The following CSGALNACT2 variants were observed in gnomAD, a reference collection of about 807,000 sequenced individuals.
The protein encoded by CSGALNACT2 is beta 4 GalNAcT-2.
A neutral mutation model predicts 55.3 loss-of-function variants in CSGALNACT2; 35 were observed. The ratio of observed to expected loss-of-function variants is 0.63; its 90% CI spans 0.48 to 0.84. The LOEUF is 0.84. Ranked by LOEUF, CSGALNACT2 falls within the 40% of genes least tolerant of loss-of-function variation. The pLI is 0.00. For missense variants in CSGALNACT2, 544 were observed against 657.5 expected (o/e 0.83, Z 1.89); for synonymous variants, 196 against 224.9 (o/e 0.87, Z 1.15).
intron 7 of CSGALNACT2, among the ~76,000 whole-genome samples, chr10:43,177,844 G>A (rs1006171015): frequency 3.9e-5 from 6 of 152,198 alleles, no homozygotes; most frequent in Middle Eastern, 3.2e-3. Flanking sequence ...TTGCCACACC[G>A]TTTTCCAAAG....
At chr10:43,166,306 G>T (rs1839262823) in intron 5 of CSGALNACT2, among the ~76,000 whole-genome samples, 1 of 152,224 alleles carries the variant, frequency 6.6e-6, no homozygotes, top group Non-Finnish European at 1.5e-5. Flanking sequence ...TAAAAAGGTT[G>T]CCATGTTACT....
chr10:43,177,337 G>A (rs2503848), intron 7 of CSGALNACT2, among the ~76,000 whole-genome samples: 127,331 of 151,744 alleles, frequency 0.84, 54,073 homozygotes, highest in African/African-American at 0.95. Flanking sequence ...CGGTTAACCA[G>A]GTCATGTAGC....
In CSGALNACT2 at chr10:43,167,089, G is replaced by A; in HGVS notation, c.1245G>A (p.Glu415=). The A allele has an allele frequency of 2.5e-6, 4 of 1,602,966 alleles. No individual in the cohort carries two copies. The highest frequency in any genetic ancestry group is 3.4e-6 in the Non-Finnish European group (4 of 1,169,954). The change falls in exon 6 of 8, where the codon GAG becomes GAA. Residue 415 remains glutamate (E), a synonymous_variant. Coordinates refer to ENST00000374466, the MANE Select transcript of CSGALNACT2 (RefSeq NM_018590.5). The stretch of plus-strand genomic sequence containing the variant: ...ACCAGGAAGTGCCACCACCTGTGGA[G>A]CAGCAGCTGGTGAGACTTTCACATT... The part of the protein sequence containing the change: ...YANQEVPPPV[E]QQLVHKKDSG...
Position 43,160,971 on chromosome 10 carries a change from T to C in CSGALNACT2, c.980+376T>C, listed in dbSNP as rs531018693. The stretch of plus-strand genomic sequence containing the variant: ...CTCCTTCTTCTCCCCCTGCTAACAA[T>C]GTTGAGGTCTCCCATATCCTTAAGA... On this transcript the variant is annotated intron_variant, in intron 4 of 7. Transcript: ENST00000374466. Among the ~76,000 whole-genome samples, 3 of 152,286 alleles carry C rather than the reference T, an allele frequency of 2.0e-5. No homozygotes were observed. The South Asian group carries it at 6.2e-4, about 32-fold the overall frequency.
In CSGALNACT2 at chr10:43,147,137, G is replaced by A. The variant is rs375891439; in HGVS notation, c.-253-7760G>A. Among the ~76,000 whole-genome samples the A allele has an allele frequency of 1.3e-3, 201 of 150,238 alleles. 1 individual carries two copies. The highest frequency in any genetic ancestry group is 4.0e-3 in the African/African-American group (162 of 40,868). ...ACTACAGGCGCCCGCCACTACGCCC[G>A]GCTAATTTTTTGTATTTTTAGTAGA... is the stretch of plus-strand genomic sequence containing the variant. On this transcript the variant is annotated intron_variant, in intron 1 of 7. Coordinates refer to ENST00000374466, the MANE Select transcript of CSGALNACT2 (RefSeq NM_018590.5).
In CSGALNACT2 at chr10:43,147,078, C is replaced by G. The variant is rs371812955; in HGVS notation, c.-253-7819C>G. 5.1e-3 allele frequency among the ~76,000 whole-genome samples: 673 copies of G among 132,068 alleles called. 7 individuals carry two copies. Among genetic ancestry groups the G allele is most frequent in the African/African-American group, 0.018 (653 of 36,254 alleles). The allele number at this position is 132,068 out of a possible 152,430, so 86.6% of individuals were successfully genotyped here. ...GCAAGCTCCGCCTCCCGGGTTCACGCCATTCTCCTGCCTCAGCCTCCCAAG... is the reference window on the plus strand; with the variant it reads ...GCAAGCTCCGCCTCCCGGGTTCACGGCATTCTCCTGCCTCAGCCTCCCAAG... On this transcript the variant is annotated intron_variant, in intron 1 of 7. Transcript: ENST00000374466.
At position 43,172,950 on chromosome 10, in the gene CSGALNACT2, G is replaced by A. The variant is rs76560816; in HGVS notation, c.1255-3001G>A. ...GAAAGAACAGCTACTGGGTTTCCTA[G>A]GGTGTTTGGAGCACAGCCGGTGAGG... On this transcript the variant is annotated intron_variant, in intron 6 of 7. Coordinates refer to ENST00000374466, the MANE Select transcript of CSGALNACT2 (RefSeq NM_018590.5). 8.4e-3 allele frequency among the ~76,000 whole-genome samples: 1,280 copies of A among 152,282 alleles called. 53 individuals are homozygous for A. In the East Asian group the frequency reaches 0.097, roughly 11 times the overall value.
At chr10:43,159,032 A>ATT (rs1364214113) in intron 3 of CSGALNACT2, 101 bp downstream of exon 3, 11 of 683,326 alleles carry the variant, frequency 1.6e-5, no homozygotes, top group East Asian at 5.3e-5. Context: ...ATTACTTAGA[A>ATT]TAATTTTACA....
chr10:43,156,962 G>T lies in CSGALNACT2; in HGVS notation c.661+1152G>T, dbSNP rs371135691. On this transcript the variant is annotated intron_variant, in intron 2 of 7. Coordinates refer to ENST00000374466, the MANE Select transcript of CSGALNACT2 (RefSeq NM_018590.5). Reference sequence around the variant, plus strand: ...CTCCAAATCATCATGGCCATCACTTGCTGCACTGTAGCATTATTATAATAC... The same window carrying T: ...CTCCAAATCATCATGGCCATCACTTTCTGCACTGTAGCATTATTATAATAC... Among the ~76,000 whole-genome samples the T allele has an allele frequency of 1.8e-4, 28 of 152,330 alleles. No individual in the cohort carries two copies. In the South Asian group the frequency reaches 2.7e-3, roughly 15 times the overall value.
intron 7 of CSGALNACT2, among the ~76,000 whole-genome samples, chr10:43,176,708 G>C (rs1289833634): frequency 6.6e-6 from 1 of 152,162 alleles, no homozygotes. Flanking sequence ...GTGACCACAG[G>C]CGTGCACCAC....
chr10:43,155,864 T>C, intron 2 of CSGALNACT2, 54 bp downstream of exon 2: 3 of 1,398,734 alleles, frequency 2.1e-6, no homozygotes, highest in Middle Eastern at 1.8e-4. Flanking sequence ...AATGCTAGTA[T>C]TGTATGCTGG....
At chr10:43,150,499 G>A (rs1838854030) in intron 1 of CSGALNACT2, among the ~76,000 whole-genome samples, 1 of 152,292 alleles carries the variant, frequency 6.6e-6, no homozygotes, top group South Asian at 2.1e-4. Context: ...GTATAGAATT[G>A]TAGGCTGGCA....
At chr10:43,155,889 A>G in intron 2 of CSGALNACT2, 79 bp downstream of exon 2, 2 of 1,170,890 alleles carry the variant, frequency 1.7e-6, no homozygotes, top group Non-Finnish European at 2.4e-6. Context: ...GTATTGTAGT[A>G]TTGTACTGTA....
chr10:43,178,397 C>G (rs149180503), intron 7 of CSGALNACT2, among the ~76,000 whole-genome samples: 1,967 of 152,220 alleles, frequency 0.013, 46 homozygotes, highest in African/African-American at 0.045. Context: ...CCGAGGCGGG[C>G]AGATCACGAG....
intron 1 of CSGALNACT2, among the ~76,000 whole-genome samples, chr10:43,140,461 G>C (rs563295502): frequency 1.3e-5 from 2 of 152,242 alleles, no homozygotes; most frequent in Non-Finnish European, 2.9e-5. Flanking sequence ...CAAGACGTAA[G>C]TGATTCATTC....
At chr10:43,158,191 G>GAT (rs71016731) in intron 2 of CSGALNACT2, among the ~76,000 whole-genome samples, 5 of 150,782 alleles carry the variant, frequency 3.3e-5, no homozygotes, top group South Asian at 4.2e-4. Context: ...TATATATACA[G>GAT]ATATATATAT....
At chr10:43,140,660 A>G (rs1838601655) in intron 1 of CSGALNACT2, among the ~76,000 whole-genome samples, 1 of 152,242 alleles carries the variant, frequency 6.6e-6, no homozygotes, top group Non-Finnish European at 1.5e-5. Flanking sequence ...ATGAAATACC[A>G]AAAGGATATG....
intron 1 of CSGALNACT2, among the ~76,000 whole-genome samples, chr10:43,154,013 GTT>G (rs1447673306): frequency 6.6e-6 from 1 of 152,130 alleles, no homozygotes; most frequent in African/African-American, 2.4e-5. Context: ...ATATAAAAAT[GTT>G]TTCTTAATGT....
Position 43,163,894 on chromosome 10 carries a change from G to A in CSGALNACT2, c.1009G>A (p.Val337Ile), listed in dbSNP as rs750222367. 1 of 1,614,012 alleles carries A rather than the reference G, an allele frequency of 6.2e-7. No homozygotes were observed. Among genetic ancestry groups the A allele is most frequent in the Non-Finnish European group, 8.5e-7 (1 of 1,179,936 alleles). ...GTCTAATTTTCACAATTACACCTTG[G>A]TCTCATTGAATGAAGAATTTAATCG... The part of the protein sequence containing the change: ...SESNFHNYTL[V>I]SLNEEFNRGR... The change falls in exon 5 of 8, where the codon GTC becomes ATC. Residue 337 changes from valine to isoleucine, a missense_variant. By Grantham distance (29) the Val-to-Ile change is conservative. Around this residue, in one of 2 missense-constraint regions of CSGALNACT2, gnomAD observed 374 missense variants for 401.3 expected, o/e 0.93. Transcript: ENST00000374466.
Sources: gnomAD v4.1 joint callset for allele counts (sites outside exome capture counted in the v4.1 genomes callset) on GRCh38, gnomAD v4.1.1 for gene constraint, gnomAD v4.1.1 regional missense constraint, MANE v1.5 for transcripts, NCBI Gene and HGNC (gene_info 2026-07-23, HGNC 2026-07-21) for gene names.